KIF13B: variants seen among roughly 807,000 people sequenced by gnomAD.
KIF13B encodes the protein kinesin-like protein KIF13B.
A neutral mutation model predicts 222.0 loss-of-function variants in KIF13B; 127 were observed. The observed-to-expected ratio is 0.57, with a 90% CI of 0.50 to 0.66. The LOEUF (loss-of-function observed/expected upper bound fraction) is 0.66. KIF13B is among the 30% of genes least tolerant of loss of function. The pLI, the probability that KIF13B is intolerant of heterozygous loss-of-function variation, is 0.00. For missense variants in KIF13B, 2,173 were observed against 2,379.0 expected (o/e 0.91, Z 1.80); for synonymous variants, 976 against 919.0 (o/e 1.06, Z -1.12).
intron 1 of KIF13B, among the ~76,000 whole-genome samples, chr8:29,251,139 A>G (rs897246952): frequency 3.9e-5 from 6 of 152,102 alleles, no homozygotes; most frequent in African/African-American, 1.4e-4. Flanking sequence ...CAACGAGGGG[A>G]GACCCTGTCT....
rs1278844498 is a variant in KIF13B at position 29,121,006 on chromosome 8, C to G, written c.3535+1585G>C. On this transcript the variant is annotated intron_variant, in intron 29 of 39. Transcript: ENST00000524189. Reference sequence around the variant, plus strand: ...TTGAGAAGTGTCTGTTCATGTCCTTCGCCCACTTTTTGATGGGGTTGTTTG... The same window carrying G: ...TTGAGAAGTGTCTGTTCATGTCCTTGGCCCACTTTTTGATGGGGTTGTTTG... Among the ~76,000 whole-genome samples, 6 of 121,112 alleles carry G rather than the reference C, an allele frequency of 5.0e-5. No homozygotes were observed. In the South Asian group the frequency reaches 1.6e-3, roughly 32 times the overall value. 79.5% of individuals were successfully genotyped at this position (121,112 alleles called of 152,430 possible).
chr8:29,070,073 T>TG lies in KIF13B; in HGVS notation c.*430dup, dbSNP rs1267375964. The TG allele has an allele frequency of 5.7e-4, 11 of 19,394 alleles. No homozygotes were observed. Among genetic ancestry groups the TG allele is most frequent in the East Asian group, 9.3e-3 (2 of 214 alleles). The allele number at this position is 19,394 out of a possible 1,614,324, so 1.2% of individuals were successfully genotyped here. On this transcript the variant is annotated 3_prime_UTR_variant, in exon 40 of 40. Transcript: ENST00000524189. The surrounding 1 kb of genome is among the most constrained non-coding windows in gnomAD (Gnocchi z 4.1). ...AGTGAGCCAGGACATCCTGGGTGGG[T>TG]GGGGGGGCTTGCCCTCCAGTGGGGA...
chr8:29,165,610 T>C (rs895717400), intron 12 of KIF13B, 52 bp downstream of exon 12: 5 of 1,132,898 alleles, frequency 4.4e-6, no homozygotes, highest in African/African-American at 3.1e-5. Context: ...ATGTGTCCCA[T>C]TGTGCAAACT....
chr8:29,154,176 G>C (rs1811416782), intron 14 of KIF13B, among the ~76,000 whole-genome samples: 1 of 152,152 alleles, frequency 6.6e-6, no homozygotes, highest in South Asian at 2.1e-4. Context: ...GATTAGGTGG[G>C]TGTGGTAACA....
chr8:29,183,836 G>A (rs909923392), intron 6 of KIF13B, among the ~76,000 whole-genome samples: 3 of 152,150 alleles, frequency 2.0e-5, no homozygotes, highest in Non-Finnish European at 4.4e-5. Context: ...AGGCAGGAGA[G>A]GAAGGGAAGA....
chr8:29,152,456 A>G (rs775081656), intron 14 of KIF13B, among the ~76,000 whole-genome samples: 3 of 152,192 alleles, frequency 2.0e-5, no homozygotes, highest in Non-Finnish European at 4.4e-5. Context: ...CACTGTTGTC[A>G]CATTTTAAGA....
chr8:29,172,247 A>G (rs1047835450), intron 10 of KIF13B, among the ~76,000 whole-genome samples: 1 of 150,930 alleles, frequency 6.6e-6, no homozygotes, highest in African/African-American at 2.4e-5. Flanking sequence ...CGCCTGGCTA[A>G]TTTTTTTGTA....
intron 3 of KIF13B, among the ~76,000 whole-genome samples, chr8:29,194,338 G>C (rs976682236): frequency 2.0e-5 from 3 of 148,712 alleles, no homozygotes; most frequent in Non-Finnish European, 4.5e-5. Flanking sequence ...TTCTTTAACA[G>C]TGACATTTCT....
chr8:29,258,743 C>T (rs908464072), intron 1 of KIF13B, among the ~76,000 whole-genome samples: 2 of 152,178 alleles, frequency 1.3e-5, no homozygotes, highest in African/African-American at 4.8e-5. Context: ...CAAAGTTCAC[C>T]CTCCTCAGTG....
intron 2 of KIF13B, among the ~76,000 whole-genome samples, chr8:29,200,228 C>G (rs1813632592): frequency 6.6e-6 from 1 of 152,058 alleles, no homozygotes; most frequent in African/African-American, 2.4e-5. Flanking sequence ...CAACCCTGTA[C>G]AAAAATAAAT....
intron 35 of KIF13B, 129 bp from the exon 36 acceptor site, chr8:29,099,370 A>G (rs1808687219): frequency 7.7e-6 from 5 of 647,698 alleles, no homozygotes; most frequent in Non-Finnish European, 1.1e-5. Flanking sequence ...GCTTGATTAC[A>G]TCAGCACTTT....
Position 29,220,293 on chromosome 8 carries a change from G to A in KIF13B, c.150-24094C>T, listed in dbSNP as rs62502858. Among the ~76,000 whole-genome samples, 668 of 152,210 alleles carry A rather than the reference G, an allele frequency of 4.4e-3. 4 individuals carry two copies. The highest frequency in any genetic ancestry group is 7.0e-3 in the Non-Finnish European group (478 of 68,012). Reference sequence around the variant, plus strand: ...GCCCTGTCCTGATGGTATTCCCAGTGGTCACTAGCCTTGCCTGGTACTCTA... The same window carrying A: ...GCCCTGTCCTGATGGTATTCCCAGTAGTCACTAGCCTTGCCTGGTACTCTA... On this transcript the variant is annotated intron_variant, in intron 2 of 39. Transcript: ENST00000524189.
chr8:29,255,347 AG>A (rs1393888414), intron 1 of KIF13B, among the ~76,000 whole-genome samples: 1 of 152,178 alleles, frequency 6.6e-6, no homozygotes, highest in African/African-American at 2.4e-5. Flanking sequence ...TAGAAAATAC[AG>A]TTAGGGTCCT....
intron 4 of KIF13B, 56 bp downstream of exon 4, chr8:29,190,941 A>G (rs1001465953): frequency 7.1e-7 from 1 of 1,403,098 alleles, no homozygotes; most frequent in Non-Finnish European, 1.0e-6. Flanking sequence ...AAGGGAAAAA[A>G]TACTGAACCC....
chr8:29,070,913 T>C lies in KIF13B; in HGVS notation c.5219-147A>G. The C allele has an allele frequency of 1.1e-6, 1 of 913,612 alleles. No homozygotes were observed. Among genetic ancestry groups the C allele is most frequent in the East Asian group, 2.7e-5 (1 of 36,978 alleles). 56.6% of individuals were successfully genotyped at this position (913,612 alleles called of 1,614,324 possible). On this transcript the variant is annotated intron_variant, in intron 39 of 39. Transcript: ENST00000524189. This position sits in a 1 kb window ranked among gnomAD's most constrained non-coding sequence, Gnocchi z 4.1. ...GCCAGCACTCGGACACTGGCCATTG[T>C]CTGGCAGGGACTGGCTAAATGAATG...
At chr8:29,173,620 C>CAA (rs143695269) in intron 10 of KIF13B, among the ~76,000 whole-genome samples, 14 of 137,038 alleles carry the variant, frequency 1.0e-4, no homozygotes, top group African/African-American at 3.8e-4. Flanking sequence ...ACCCTGTCTC[C>CAA]AAAAAAAAAA....
chr8:29,186,783 A>AC (rs1812948905), intron 5 of KIF13B, among the ~76,000 whole-genome samples: 1 of 150,818 alleles, frequency 6.6e-6, no homozygotes, highest in African/African-American at 2.4e-5. Flanking sequence ...ACAAGGTGAA[A>AC]CCCCGTCTCT....
At position 29,147,403 on chromosome 8, in the gene KIF13B, C is replaced by T; in HGVS notation, c.2013G>A (p.Trp671Ter). 1 of 1,604,844 alleles carries T rather than the reference C, an allele frequency of 6.2e-7. No individual in the cohort carries two copies. Among genetic ancestry groups the T allele is most frequent in the Non-Finnish European group, 8.5e-7 (1 of 1,175,834 alleles). Residue 671 changes from tryptophan (W) to a stop codon, truncating the protein, a stop_gained, in exon 17 of 40, where the codon TGG (tryptophan) becomes TGA (stop). Coordinates refer to ENST00000524189, the MANE Select transcript of KIF13B (RefSeq NM_015254.4). LOFTEE classifies it high-confidence loss of function. ...TCTGTGCCGCCTACCTCTCCTCAGCCCACTGTCTTAAGCGTTGCTGAGCGC... is the reference window on the plus strand; with the variant it reads ...TCTGTGCCGCCTACCTCTCCTCAGCTCACTGTCTTAAGCGTTGCTGAGCGC... Reference protein sequence around the residue: ...SPSAQQRLRQWAEEREATLNN... With the variant: ...SPSAQQRLRQ
At chr8:29,105,464 T>C (rs1253982537) in intron 35 of KIF13B, among the ~76,000 whole-genome samples, 4 of 152,070 alleles carry the variant, frequency 2.6e-5, no homozygotes, top group Non-Finnish European at 4.4e-5. Flanking sequence ...CTCCTGTGAG[T>C]CCTGTGTGAA....
Sources: gnomAD v4.1 joint callset for allele counts (sites outside exome capture counted in the v4.1 genomes callset) on GRCh38, gnomAD v4.1.1 for gene constraint, Gnocchi (gnomAD v3.1) non-coding constraint, MANE v1.5 for transcripts, NCBI Gene and HGNC (gene_info 2026-07-23, HGNC 2026-07-21) for gene names.